Variants in RBM47 observed in about 807,000 individuals in gnomAD.
RBM47 encodes RNA-binding protein 47.
A neutral mutation model predicts 47.1 loss-of-function variants in RBM47; 21 were observed. The observed-to-expected ratio is 0.45, with a 90% confidence interval of 0.32 to 0.64. The LOEUF is 0.64. Among genes scored for constraint, RBM47 ranks in the 30% least tolerant of loss-of-function variants. The probability of loss-of-function intolerance (pLI) is 0.05; values close to 1 mark genes in which losing one functional copy is unlikely to be tolerated. For missense variants in RBM47, 708 were observed against 870.9 expected (o/e 0.81, Z 2.35); for synonymous variants, 375 against 361.7 (o/e 1.04, Z -0.42).
At chr4:40,527,864 A>G (rs922705090) in intron 2 of RBM47, among the ~76,000 whole-genome samples, 5 of 152,096 alleles carry the variant, frequency 3.3e-5, no homozygotes, top group Non-Finnish European at 7.3e-5. Context: ...CCAGTCTACA[A>G]CTGTTTACCC....
intron 1 of RBM47, among the ~76,000 whole-genome samples, chr4:40,617,202 T>G (rs1489228280): frequency 1.3e-5 from 2 of 152,106 alleles, no homozygotes; most frequent in South Asian, 2.1e-4. Context: ...TTTATCTTTC[T>G]CTTACTTGTT....
At chr4:40,563,154 G>A (rs1454820034) in intron 1 of RBM47, among the ~76,000 whole-genome samples, 1 of 152,144 alleles carries the variant, frequency 6.6e-6, no homozygotes, top group African/African-American at 2.4e-5. Context: ...TGGCGCCACT[G>A]CACTCCAGTC....
intron 1 of RBM47, among the ~76,000 whole-genome samples, chr4:40,550,727 T>C (rs917928973): frequency 2.0e-5 from 3 of 152,090 alleles, no homozygotes; most frequent in Admixed American, 2.0e-4. Flanking sequence ...CCCTATCATA[T>C]GTAAATTATA....
At chr4:40,478,164 C>T (rs971052328) in intron 2 of RBM47, among the ~76,000 whole-genome samples, 10 of 151,840 alleles carry the variant, frequency 6.6e-5, no homozygotes, top group Admixed American at 1.3e-4. Context: ...TACAGCCATG[C>T]GCCACCACGC....
intron 2 of RBM47, chr4:40,491,792 C>A: frequency 4.7e-6 from 1 of 211,372 alleles, no homozygotes; most frequent in Non-Finnish European, 9.8e-6. Context: ...CACGATGTGC[C>A]ACCGCTGTGG....
chr4:40,440,917 C>T (rs1420773089), intron 3 of RBM47, among the ~76,000 whole-genome samples: 2 of 152,124 alleles, frequency 1.3e-5, no homozygotes, highest in Non-Finnish European at 2.9e-5. Flanking sequence ...TAGACCAATT[C>T]TTTCAATTTT....
chr4:40,626,512 C>T (rs1263092084), intron 1 of RBM47, among the ~76,000 whole-genome samples: 1 of 152,170 alleles, frequency 6.6e-6, no homozygotes, highest in Non-Finnish European at 1.5e-5. Flanking sequence ...CTGGTAAATT[C>T]CACACTAGGA....
chr4:40,596,295 C>A (rs1157470848), intron 1 of RBM47, among the ~76,000 whole-genome samples: 1 of 152,192 alleles, frequency 6.6e-6, no homozygotes, highest in Non-Finnish European at 1.5e-5. Flanking sequence ...AAAGGTGGAT[C>A]ATTCCTGATC....
rs534713912 is a variant in RBM47 at position 40,514,280 on chromosome 4, TCCA to T, written c.-155+30139_-155+30141del. Among the ~76,000 whole-genome samples, 93 of 152,210 alleles carry T rather than the reference TCCA, an allele frequency of 6.1e-4. 1 individual carries two copies. In the South Asian group the frequency reaches 0.018, roughly 29 times the overall value. ...TAAAATCTCAAGCACAAGTAGGTTT[TCCA>T]CTTACTCTCCATTACACACATGTCC... On this transcript the variant is annotated intron_variant, in intron 2 of 6. Transcript: ENST00000295971.
At chr4:40,475,646 A>C (rs2154239059) in intron 2 of RBM47, 1 of 152,308 alleles carries the variant, frequency 6.6e-6, no homozygotes, top group African/African-American at 2.4e-5. Context: ...AACCAAACAC[A>C]GTTACCTCTT....
chr4:40,475,848 G>C (rs1719530010), intron 2 of RBM47: 1 of 152,196 alleles, frequency 6.6e-6, no homozygotes, highest in African/African-American at 2.4e-5. Flanking sequence ...TTAATGCCTT[G>C]GGAGTCATTT....
rs1435130830 is a variant in RBM47 at position 40,438,693 on chromosome 4, C to G, written c.201G>C (p.Pro67=). ...CCACGAAGACCTCGCAGCCACGCTG[C>G]GGGTGCGGGCCCTCCCAGCCGGGCG... ...GPPPGWEGPH[P]QRGCEVFVGK... The change falls in exon 4 of 7, where the codon CCG becomes CCC. Residue 67 remains proline (P), a synonymous_variant. Transcript: ENST00000295971. 2 of 1,611,208 alleles carry G rather than the reference C, an allele frequency of 1.2e-6. No individual in the cohort carries two copies. Among genetic ancestry groups the G allele is most frequent in the Admixed American group, 1.7e-5 (1 of 59,922 alleles).
At chr4:40,592,968 TATATATATATA>T (rs1313470545) in intron 1 of RBM47, among the ~76,000 whole-genome samples, 12 of 19,336 alleles carry the variant, frequency 6.2e-4, no homozygotes, top group Non-Finnish European at 7.5e-4. Context: ...TATATATATA[TATATATATATA>T]TTTTTTTTTT....
At chr4:40,430,477 AT>A (rs1308809535) in intron 6 of RBM47, among the ~76,000 whole-genome samples, 2 of 152,244 alleles carry the variant, frequency 1.3e-5, no homozygotes, top group Non-Finnish European at 2.9e-5. Context: ...CACAAGTATT[AT>A]AACTATACTT....
At chr4:40,568,428 CAAAAAAAAAAA>C (rs35434439) in intron 1 of RBM47, among the ~76,000 whole-genome samples, 1 of 57,574 alleles carries the variant, frequency 1.7e-5, no homozygotes, top group Non-Finnish European at 3.3e-5. Context: ...AACCCTGTCT[CAAAAAAAAAAA>C]AAAAAAAAAA....
intron 2 of RBM47, among the ~76,000 whole-genome samples, chr4:40,505,134 T>G (rs1260933840): frequency 6.6e-6 from 1 of 152,110 alleles, no homozygotes; most frequent in South Asian, 2.1e-4. Context: ...GAGGCCACAG[T>G]GGCTGTAATT....
At chr4:40,604,056 G>A (rs777267135) in intron 1 of RBM47, among the ~76,000 whole-genome samples, 1 of 152,162 alleles carries the variant, frequency 6.6e-6, no homozygotes, top group Non-Finnish European at 1.5e-5. Flanking sequence ...GGAATGCTGC[G>A]ATCCATAACA....
intron 1 of RBM47, among the ~76,000 whole-genome samples, chr4:40,589,352 T>C (rs886601216): frequency 3.3e-5 from 5 of 152,350 alleles, no homozygotes; most frequent in African/African-American, 1.2e-4. Flanking sequence ...TGTGTGAGGG[T>C]TGCACATGCC....
At chr4:40,615,413 A>G (rs1736630914) in intron 1 of RBM47, among the ~76,000 whole-genome samples, 1 of 152,204 alleles carries the variant, frequency 6.6e-6, no homozygotes, top group Admixed American at 6.5e-5. Flanking sequence ...ACTGCACTAC[A>G]GCCTGGATGA....
Sources: allele counts gnomAD v4.1 joint callset (sites outside exome capture counted in the v4.1 genomes callset), GRCh38; gene constraint gnomAD v4.1.1; transcripts MANE v1.5; gene names NCBI Gene and HGNC (gene_info 2026-07-23, HGNC 2026-07-21).